Variants in SEMA3A observed in about 807,000 individuals in gnomAD.
SEMA3A encodes semaphorin-3A.
Under a neutral mutation model 97.9 loss-of-function variants are expected in SEMA3A, and 29 were observed. The ratio of observed to expected loss-of-function variants is 0.30; its 90% CI spans 0.22 to 0.40. SEMA3A has a LOEUF of 0.40. Among genes scored for constraint, SEMA3A ranks in the 10% least tolerant of loss-of-function variants. The pLI is 1.00. For synonymous variants in SEMA3A, 321 were observed against 323.7 expected (o/e 0.99, Z 0.09); for missense variants, 763 against 951.3 (o/e 0.80, Z 2.60).
chr7:84,346,058 G>A (rs1315363092), intron 2 of SEMA3A, among the ~76,000 whole-genome samples: 1 of 152,138 alleles, frequency 6.6e-6, no homozygotes, highest in Non-Finnish European at 1.5e-5. Context: ...CAGCTTTTAC[G>A]TCAGCACTTG....
rs13243696 is a variant in SEMA3A at position 84,110,714 on chromosome 7, C to T, written c.334-125G>A. ...CTTTCTTTTTTTTTTTTTGGCATCC[C>T]TTTCACAACATTTTAAGGACTTATT... On this transcript the variant is annotated intron_variant, in intron 3 of 16. Coordinates refer to ENST00000265362, the MANE Select transcript of SEMA3A (RefSeq NM_006080.3). The T allele has an allele frequency of 0.2, 202,930 of 1,010,210 alleles. 22,868 individuals carry two copies. The highest frequency in any genetic ancestry group is 0.23 in the Non-Finnish European group (160,359 of 699,386). 62.6% of individuals were successfully genotyped at this position (1,010,210 alleles called of 1,614,324 possible). A position where few individuals can be genotyped will look rare whatever the true frequency, so the allele number is the denominator to read the frequency against.
intron 1 of SEMA3A, among the ~76,000 whole-genome samples, chr7:84,407,226 C>T (rs1292535703): frequency 6.6e-6 from 1 of 152,142 alleles, no homozygotes; most frequent in African/African-American, 2.4e-5. Flanking sequence ...AATCAATGTG[C>T]AAAAATCACA....
intron 1 of SEMA3A, among the ~76,000 whole-genome samples, chr7:84,408,404 A>T (rs1057115926): frequency 4.6e-5 from 7 of 151,848 alleles, no homozygotes; most frequent in Non-Finnish European, 1.0e-4. Flanking sequence ...CAGGTGCTGG[A>T]GAGGATGTGG....
intron 1 of SEMA3A, among the ~76,000 whole-genome samples, chr7:84,441,603 C>A (rs960997111): frequency 1.3e-5 from 2 of 151,884 alleles, no homozygotes; most frequent in African/African-American, 4.8e-5. Flanking sequence ...AGAAAGAAAG[C>A]ATCATAGAAA....
At chr7:83,993,567 G>C (rs865863097) in intron 12 of SEMA3A, among the ~76,000 whole-genome samples, 1 of 149,016 alleles carries the variant, frequency 6.7e-6, no homozygotes, top group Non-Finnish European at 1.5e-5. Context: ...TTTCTCCTTC[G>C]CTTATGAAGC....
At position 84,276,897 on chromosome 7, in the gene SEMA3A, G is replaced by A. The variant is rs185946382; in HGVS notation, c.-83+30310C>T. Among the ~76,000 whole-genome samples the A allele has an allele frequency of 6.0e-4, 92 of 152,126 alleles. No individual in the cohort carries two copies. The Middle Eastern group carries it at 0.01, about 17-fold the overall frequency. On this transcript the variant is annotated intron_variant, in intron 3 of 3. Transcript: ENST00000424555. ...ATCATGGCAGTCCCTCAATAAATAC[G>A]AAACTTAAATAGTTCAGACTTAGTC...
chr7:84,301,371 A>T (rs2115826891), intron 3 of SEMA3A, among the ~76,000 whole-genome samples: 1 of 152,272 alleles, frequency 6.6e-6, no homozygotes, highest in Admixed American at 6.5e-5. Flanking sequence ...GAATGCATAA[A>T]GTGCTCCTAT....
At chr7:84,333,873 T>G (rs111595614) in intron 2 of SEMA3A, among the ~76,000 whole-genome samples, 4 of 148,372 alleles carry the variant, frequency 2.7e-5, no homozygotes, top group Admixed American at 6.8e-5. Context: ...CTTTTGAATT[T>G]GCCATTGCCA....
chr7:84,085,184 G>C (rs78687745), intron 4 of SEMA3A, among the ~76,000 whole-genome samples: 3,477 of 151,914 alleles, frequency 0.023, 140 homozygotes, highest in African/African-American at 0.08. Flanking sequence ...TAAGCATAAG[G>C]GTCAAACATG....
intron 1 of SEMA3A, among the ~76,000 whole-genome samples, chr7:84,459,274 G>C (rs538859915): frequency 1.3e-5 from 2 of 152,184 alleles, no homozygotes; most frequent in East Asian, 3.9e-4. Context: ...GTTTGAAAAG[G>C]ATGGAATGTA....
At chr7:84,406,261 C>T (rs1006582551) in intron 1 of SEMA3A, among the ~76,000 whole-genome samples, 1 of 152,114 alleles carries the variant, frequency 6.6e-6, no homozygotes, top group African/African-American at 2.4e-5. Flanking sequence ...TCAGAGAATA[C>T]TATAAACACC....
chr7:84,491,330 A>G (rs906961272), intron 1 of SEMA3A, among the ~76,000 whole-genome samples: 2 of 152,190 alleles, frequency 1.3e-5, no homozygotes, highest in Admixed American at 1.3e-4. Context: ...TTTCAAATTA[A>G]TAATGGTTAA....
intron 1 of SEMA3A, among the ~76,000 whole-genome samples, chr7:84,190,962 T>TACACAC (rs3077844): frequency 4.1e-5 from 6 of 147,244 alleles, no homozygotes; most frequent in African/African-American, 4.9e-5. Context: ...TATTGGTATA[T>TACACAC]ACACACACAC....
At chr7:84,383,041 C>T (rs895255794) in intron 1 of SEMA3A, among the ~76,000 whole-genome samples, 1 of 152,070 alleles carries the variant, frequency 6.6e-6, no homozygotes, top group Non-Finnish European at 1.5e-5. Context: ...GAATAACTCT[C>T]AAACATTTAT....
Position 84,358,710 on chromosome 7 carries a change from C to G in SEMA3A, c.-169+13114G>C, listed in dbSNP as rs186564073. On this transcript the variant is annotated intron_variant, in intron 2 of 3. Coordinates refer to the SEMA3A transcript ENST00000424555. ...TAGCTTGATGGGGATGGCATTGAAT[C>G]TATAAATTACCTTGGGCAGTATGAC... Among the ~76,000 whole-genome samples the G allele has an allele frequency of 6.8e-4, 104 of 152,212 alleles. 1 individual carries two copies. The highest frequency in any genetic ancestry group is 3.4e-3 in the Middle Eastern group (1 of 294).
At chr7:84,051,854 A>G (rs992519709) in intron 5 of SEMA3A, among the ~76,000 whole-genome samples, 19 of 151,320 alleles carry the variant, frequency 1.3e-4, no homozygotes, top group African/African-American at 4.6e-4. Flanking sequence ...GGTTTGTCAT[A>G]GATAGCTCTT....
At chr7:83,982,157 T>TG (rs1789440914) in intron 13 of SEMA3A, among the ~76,000 whole-genome samples, 1 of 149,262 alleles carries the variant, frequency 6.7e-6, no homozygotes, top group Non-Finnish European at 1.5e-5. Context: ...GGGTTGAGCA[T>TG]GAAGATACCT....
intron 1 of SEMA3A, among the ~76,000 whole-genome samples, chr7:84,437,488 T>C (rs1432491967): frequency 1.3e-5 from 2 of 151,900 alleles, no homozygotes; most frequent in East Asian, 3.9e-4. Flanking sequence ...TATTAGAGCA[T>C]ATTTTATTTA....
At chr7:84,438,867 T>C (rs1039924047) in intron 1 of SEMA3A, among the ~76,000 whole-genome samples, 3 of 152,026 alleles carry the variant, frequency 2.0e-5, no homozygotes, top group Non-Finnish European at 4.4e-5. Flanking sequence ...TATTTCAGCT[T>C]ATAACAGATT....
Sources: gnomAD v4.1 joint callset for allele counts (sites outside exome capture counted in the v4.1 genomes callset) on GRCh38, gnomAD v4.1.1 for gene constraint, MANE v1.5 for transcripts, NCBI Gene and HGNC (gene_info 2026-07-23, HGNC 2026-07-21) for gene names.